The following LAPTM4A variants were observed in gnomAD, a reference collection of about 807,000 sequenced individuals.
The protein encoded by LAPTM4A is lysosomal protein transmembrane 4 alpha.
In LAPTM4A, 19 loss-of-function variants were observed where a neutral mutation model predicts 29.9. The observed-to-expected ratio is 0.64, with a 90% CI of 0.44 to 0.93. The LOEUF is 0.93. Among genes scored for constraint, LAPTM4A ranks in the 40% least tolerant of loss-of-function variants. The pLI is 0.00. For missense variants in LAPTM4A, 293 were observed against 288.5 expected (o/e 1.02, Z -0.11); for synonymous variants, 105 against 102.1 (o/e 1.03, Z -0.17).
chr2:20,047,611 A>G (rs1673958509), intron 1 of LAPTM4A, among the ~76,000 whole-genome samples: 2 of 148,738 alleles, frequency 1.3e-5, no homozygotes, highest in South Asian at 4.3e-4. Context: ...AATGGCGTGA[A>G]CCCGGGAAGC....
intron 1 of LAPTM4A, among the ~76,000 whole-genome samples, chr2:20,044,923 T>C (rs1265815203): frequency 2.0e-5 from 3 of 152,218 alleles, no homozygotes; most frequent in African/African-American, 7.2e-5. Context: ...AAAATTTTTT[T>C]TGTAGAGATG....
intron 1 of LAPTM4A, among the ~76,000 whole-genome samples, chr2:20,047,086 G>C (rs938136316): frequency 6.6e-6 from 1 of 151,920 alleles, no homozygotes; most frequent in Non-Finnish European, 1.5e-5. Flanking sequence ...AGATCCCCCT[G>C]GCTAGGAAGT....
Position 20,051,456 on chromosome 2 carries a change from C to A in LAPTM4A, c.65G>T (p.Cys22Phe). The change falls in exon 1 of 7, where the codon TGT (cysteine) becomes TTT (phenylalanine). Residue 22 changes from cysteine to phenylalanine, a missense_variant. Cys to Phe is a radical substitution (Grantham distance 205). Transcript: ENST00000175091. ...GATCGTCCCGGTGCGGACATGGCAA[C>A]AGCCGCAGCACCGGGTGCTGTAGAA... ...DRFYSTRCCG[C>F]CHVRTGTIIL... is the part of the protein sequence containing the mutation. 6.2e-7 allele frequency: 1 copy of A among 1,613,650 alleles called. No individual in the cohort carries two copies. Among genetic ancestry groups the A allele is most frequent in the Non-Finnish European group, 8.5e-7 (1 of 1,179,800 alleles).
Position 20,033,027 on chromosome 2 carries a change from A to G in LAPTM4A, c.*178T>C, listed in dbSNP as rs1030642809. 57 of 591,470 alleles carry G rather than the reference A, an allele frequency of 9.6e-5. No homozygotes were observed. Among genetic ancestry groups the G allele is most frequent in the Non-Finnish European group, 1.2e-5 (4 of 330,844 alleles). The allele number at this position is 591,470 out of a possible 1,614,324, so 36.6% of individuals were successfully genotyped here. A position where few individuals can be genotyped will look rare whatever the true frequency, so the allele number is the denominator to read the frequency against. ...TATTAAAATGTAAAAGACTTAACAA[A>G]AAAACAAAAAGACGTTTAACAGATG... On this transcript the variant is annotated 3_prime_UTR_variant, in exon 7 of 7. Transcript: ENST00000175091.
rs185988803 is a variant in LAPTM4A at position 20,041,393 on chromosome 2, C to T, written c.112-382G>A. On this transcript the variant is annotated intron_variant, in intron 1 of 6. Transcript: ENST00000175091. The stretch of plus-strand genomic sequence containing the variant: ...CTGTTATATTTATTCATCAGATGCC[C>T]GAAACCCCTCCACAGCATCTCTCAT... Among the ~76,000 whole-genome samples the T allele has an allele frequency of 2.6e-5, 4 of 152,200 alleles. No individual in the cohort carries two copies. The East Asian group carries it at 5.8e-4, about 22-fold the overall frequency.
intron 5 of LAPTM4A, 96 bp from the exon 6 acceptor site, chr2:20,034,511 T>A: frequency 1.2e-6 from 1 of 843,050 alleles, no homozygotes. Context: ...CCACACATCC[T>A]CTGTGTAGAA....
At chr2:20,033,677 G>C (rs115033161) in intron 6 of LAPTM4A, among the ~76,000 whole-genome samples, 1 of 152,196 alleles carries the variant, frequency 6.6e-6, no homozygotes. Flanking sequence ...CCTGGATCCT[G>C]ACTTTCATCA....
Position 20,037,363 on chromosome 2 carries a change from T to A in LAPTM4A, c.385A>T (p.Ser129Cys). 2 of 1,613,460 alleles carry A rather than the reference T, an allele frequency of 1.2e-6. No homozygotes were observed. The highest frequency in any genetic ancestry group is 2.7e-5 in the African/African-American group (2 of 75,014). ...DFVLSCLVAI[S>C]SLTYLPRIKE... is the part of the protein sequence containing the mutation. Reference sequence around the variant, plus strand: ...ATTCTTGGCAAATAGGTGAGAGAACTAATAGCAACCAGGCAACTGAGGACG... The same window carrying A: ...ATTCTTGGCAAATAGGTGAGAGAACAAATAGCAACCAGGCAACTGAGGACG... The change falls in exon 4 of 7, where the codon AGT becomes TGT. Residue 129 changes from serine to cysteine, a missense_variant. Transcript: ENST00000175091.
intron 1 of LAPTM4A, among the ~76,000 whole-genome samples, chr2:20,042,401 C>A (rs772217256): frequency 1.3e-5 from 2 of 152,224 alleles, no homozygotes; most frequent in Non-Finnish European, 2.9e-5. Context: ...CCTTAATATA[C>A]CTGTAATTGA....
At chr2:20,040,329 G>A (rs1348172179) in intron 2 of LAPTM4A, among the ~76,000 whole-genome samples, 1 of 152,160 alleles carries the variant, frequency 6.6e-6, no homozygotes. Context: ...GGCTAGAAAT[G>A]CTCTATTGTA....
intron 1 of LAPTM4A, among the ~76,000 whole-genome samples, chr2:20,043,250 T>C (rs1169203943): frequency 6.7e-6 from 1 of 148,600 alleles, no homozygotes; most frequent in Non-Finnish European, 1.5e-5. Flanking sequence ...AGCCTCGCTC[T>C]GTCACCCAGG....
At position 20,033,103 on chromosome 2, in the gene LAPTM4A, T is replaced by C; in HGVS notation, c.*102A>G. 1.1e-6 allele frequency: 1 copy of C among 929,752 alleles called. No homozygotes were observed. Among genetic ancestry groups the C allele is most frequent in the Non-Finnish European group, 1.7e-6 (1 of 576,694 alleles). 57.6% of individuals were successfully genotyped at this position (929,752 alleles called of 1,614,324 possible). The stretch of plus-strand genomic sequence containing the variant: ...ATAAATGCTTAAACAAAAGACAACA[T>C]ATTTTATATCAAACAAGTTTGAAGA... On this transcript the variant is annotated 3_prime_UTR_variant, in exon 7 of 7. Coordinates refer to ENST00000175091, the MANE Select transcript of LAPTM4A (RefSeq NM_014713.5).
intron 2 of LAPTM4A, among the ~76,000 whole-genome samples, chr2:20,037,893 G>C (rs917988760): frequency 4.6e-5 from 7 of 152,118 alleles, no homozygotes; most frequent in African/African-American, 1.7e-4. Context: ...CTCTGCTAGA[G>C]AAACAGGTCC....
At chr2:20,040,195 G>A (rs1324789353) in intron 2 of LAPTM4A, among the ~76,000 whole-genome samples, 2 of 151,924 alleles carry the variant, frequency 1.3e-5, no homozygotes, top group African/African-American at 4.8e-5. Flanking sequence ...TGTAACCATA[G>A]CAACTTCTCC....
intron 1 of LAPTM4A, among the ~76,000 whole-genome samples, chr2:20,047,708 A>AG (rs1159607785): frequency 6.6e-6 from 1 of 151,668 alleles, no homozygotes; most frequent in African/African-American, 2.4e-5. Context: ...AAAAAAAAAA[A>AG]AAAGGAAAGT....
In LAPTM4A at chr2:20,051,511, T is replaced by C. The variant is rs778075871; in HGVS notation, c.10A>G (p.Met4Val). Residue 4 changes from methionine to valine, a missense_variant, in exon 1 of 7, where the codon ATG becomes GTG. Physicochemically the swap from Met to Val is conservative, Grantham distance 21. Transcript: ENST00000175091. ...TCACTGCGGTTCCGCTTGAAACTCA[T>C]GGACACCATCGTAACAGGCGGGCCT... Reference protein sequence around the residue: MVSMSFKRNRSDRF... With the variant: MVSVSFKRNRSDRF... The C allele has an allele frequency of 7.5e-6, 12 of 1,603,634 alleles. No individual in the cohort carries two copies. The highest frequency in any genetic ancestry group is 1.7e-5 in the Admixed American group (1 of 59,258).
Position 20,051,503 on chromosome 2 carries a change from G to C in LAPTM4A, c.18C>G (p.Phe6Leu). 1 of 1,608,196 alleles carries C rather than the reference G, an allele frequency of 6.2e-7. No homozygotes were observed. The highest frequency in any genetic ancestry group is 8.5e-7 in the Non-Finnish European group (1 of 1,177,102). MVSMS[F>L]KRNRSDRFYS... is the part of the protein sequence containing the mutation. ...AGAACCGGTCACTGCGGTTCCGCTT[G>C]AAACTCATGGACACCATCGTAACAG... Residue 6 changes from phenylalanine (F) to leucine (L), a missense_variant, in exon 1 of 7, where the codon TTC (phenylalanine) becomes TTG (leucine). Physicochemically the swap from Phe to Leu is conservative, Grantham distance 22. Coordinates refer to ENST00000175091, the MANE Select transcript of LAPTM4A (RefSeq NM_014713.5).
At chr2:20,039,358 A>C (rs1054343427) in intron 2 of LAPTM4A, among the ~76,000 whole-genome samples, 1 of 152,278 alleles carries the variant, frequency 6.6e-6, no homozygotes, top group African/African-American at 2.4e-5. Context: ...TACAACATGC[A>C]AACTTCCACT....
chr2:20,048,507 A>G (rs1191900188), intron 1 of LAPTM4A, among the ~76,000 whole-genome samples: 1 of 152,198 alleles, frequency 6.6e-6, no homozygotes, highest in East Asian at 1.9e-4. Flanking sequence ...ATTTTAGTAT[A>G]TGGTGTTACG....
Sources: allele counts gnomAD v4.1 joint callset (sites outside exome capture counted in the v4.1 genomes callset), GRCh38; gene constraint gnomAD v4.1.1; transcripts MANE v1.5; gene names NCBI Gene and HGNC (gene_info 2026-07-23, HGNC 2026-07-21).